Variants in BMPR1A observed in about 807,000 individuals in gnomAD.
The protein encoded by BMPR1A is bone morphogenetic protein receptor type 1A, also known as bone morphogenetic protein receptor type-1A.
BMPR1A carries 7 observed loss-of-function variants against 66.0 expected under a neutral mutation model. The ratio of observed to expected loss-of-function variants is 0.11; its 90% CI spans 0.06 to 0.20. The LOEUF (loss-of-function observed/expected upper bound fraction) is 0.20. Among genes scored for constraint, BMPR1A ranks in the 10% least tolerant of loss-of-function variants. The pLI is 1.00. For missense variants in BMPR1A, 408 were observed against 669.1 expected (o/e 0.61, Z 4.31); for synonymous variants, 200 against 229.7 (o/e 0.87, Z 1.17).
At chr10:86,901,942 T>C (rs1843316903) in intron 7 of BMPR1A, among the ~76,000 whole-genome samples, 1 of 152,164 alleles carries the variant, frequency 6.6e-6, no homozygotes, top group Admixed American at 6.5e-5. Context: ...CACTGCAATC[T>C]CTGCCTCCCA....
Position 86,922,278 on chromosome 10 carries a change from C to T in BMPR1A, c.1342+583C>T, listed in dbSNP as rs1436200784. Among the ~76,000 whole-genome samples, 3 of 152,234 alleles carry T rather than the reference C, an allele frequency of 2.0e-5. No homozygotes were observed. The East Asian group carries it at 5.8e-4, about 29-fold the overall frequency. ...ATGATACTCCATTGTGTGTAGGTGC[C>T]ACATTTTCTTGATGTGTTCATCTGT... On this transcript the variant is annotated intron_variant, in intron 11 of 12. Coordinates refer to ENST00000372037, the MANE Select transcript of BMPR1A (RefSeq NM_004329.3).
intron 1 of BMPR1A, among the ~76,000 whole-genome samples, chr10:86,780,866 T>G (rs2168728): frequency 0.29 from 44,069 of 151,738 alleles, 7,614 homozygotes; most frequent in East Asian, 0.72. Context: ...AAAGTAAAAA[T>G]AATCGTGTGA....
At chr10:86,873,850 G>A (rs565241210) in intron 2 of BMPR1A, among the ~76,000 whole-genome samples, 2 of 152,310 alleles carry the variant, frequency 1.3e-5, no homozygotes, top group South Asian at 4.1e-4. Context: ...TCAGCATTAT[G>A]TAATGGGAAA....
intron 1 of BMPR1A, among the ~76,000 whole-genome samples, chr10:86,820,125 C>T (rs531351676): frequency 6.6e-6 from 1 of 152,294 alleles, no homozygotes; most frequent in East Asian, 1.9e-4. Flanking sequence ...CGTCTGCAGC[C>T]TCCACCTCCC....
At chr10:86,781,101 G>A (rs191031700) in intron 1 of BMPR1A, among the ~76,000 whole-genome samples, 10 of 152,184 alleles carry the variant, frequency 6.6e-5, no homozygotes, top group African/African-American at 1.4e-4. Flanking sequence ...TGATCCGCCC[G>A]CCTTGGCCTC....
chr10:86,780,260 C>T (rs1403338287), intron 1 of BMPR1A, among the ~76,000 whole-genome samples: 2 of 152,104 alleles, frequency 1.3e-5, no homozygotes, highest in Non-Finnish European at 2.9e-5. Flanking sequence ...TAGCTCGTCT[C>T]TTCATGATGT....
chr10:86,881,944 TATTG>T (rs1842992103), intron 3 of BMPR1A, among the ~76,000 whole-genome samples: 1 of 152,194 alleles, frequency 6.6e-6, no homozygotes, highest in African/African-American at 2.4e-5. Context: ...TGTTTGATGA[TATTG>T]GTAAGGATAA....
chr10:86,902,331 C>T (rs61856962), intron 7 of BMPR1A, among the ~76,000 whole-genome samples: 1,871 of 151,960 alleles, frequency 0.012, 12 homozygotes, highest in Non-Finnish European at 0.019. Context: ...TTTCAGAAAT[C>T]AGCCCTTTGT....
intron 7 of BMPR1A, among the ~76,000 whole-genome samples, chr10:86,905,017 C>T (rs1236711562): frequency 6.6e-6 from 1 of 152,092 alleles, no homozygotes; most frequent in Non-Finnish European, 1.5e-5. Flanking sequence ...CATAGCAAAC[C>T]GTAAAAGAAT....
intron 2 of BMPR1A, among the ~76,000 whole-genome samples, chr10:86,845,436 C>G (rs1336867428): frequency 6.6e-6 from 1 of 152,194 alleles, no homozygotes; most frequent in Non-Finnish European, 1.5e-5. Context: ...CAGGTCTGTG[C>G]TTGTGCCTCC....
chr10:86,919,230 T>C lies in BMPR1A; in HGVS notation c.927T>C (p.Thr309=), dbSNP rs779691540. 12 of 1,614,008 alleles carry C rather than the reference T, an allele frequency of 7.4e-6. No individual in the cohort carries two copies. The highest frequency in any genetic ancestry group is 4.5e-5 in the East Asian group (2 of 44,884). ...CCTGGACTCAGCTCTATTTGATTACTGATTACCATGAAAATGGATCTCTCT... is the reference window on the plus strand; with the variant it reads ...CCTGGACTCAGCTCTATTTGATTACCGATTACCATGAAAATGGATCTCTCT... ...TGSWTQLYLI[T]DYHENGSLYD... Residue 309 remains threonine, a synonymous_variant, in exon 10 of 13, where the codon ACT becomes ACC. Transcript: ENST00000372037.
intron 1 of BMPR1A, among the ~76,000 whole-genome samples, chr10:86,764,838 A>G (rs1456763144): frequency 1.3e-5 from 2 of 152,252 alleles, no homozygotes; most frequent in East Asian, 3.8e-4. Flanking sequence ...AGATAGTACC[A>G]AAAGATGTAA....
At position 86,906,673 on chromosome 10, in the gene BMPR1A, G is replaced by A. The variant is rs1341653189; in HGVS notation, c.531-5567G>A. ...CGGGAGGCGGAGCTTGCAGTGAGCC[G>A]ACATCGCGCCACTGCACTCCAGCCT... On this transcript the variant is annotated intron_variant, in intron 7 of 12. Transcript: ENST00000372037. Among the ~76,000 whole-genome samples the A allele has an allele frequency of 8.8e-4, 31 of 35,038 alleles. 4 individuals are homozygous for A. The highest frequency in any genetic ancestry group is 2.0e-3 in the African/African-American group (5 of 2,486). 23.0% of individuals were successfully genotyped at this position (35,038 alleles called of 152,430 possible). A position where few individuals can be genotyped will look rare whatever the true frequency, so the allele number is the denominator to read the frequency against.
intron 1 of BMPR1A, among the ~76,000 whole-genome samples, chr10:86,835,249 GA>G (rs200647478): frequency 0.085 from 9,917 of 117,348 alleles, 428 homozygotes; most frequent in Non-Finnish European, 0.096. Flanking sequence ...AAGAAAAAAA[GA>G]AAAAAAAAAA....
At chr10:86,762,919 C>T (rs1022931645) in intron 1 of BMPR1A, among the ~76,000 whole-genome samples, 2 of 151,970 alleles carry the variant, frequency 1.3e-5, no homozygotes, top group Admixed American at 1.3e-4. Context: ...TTATTTGAGA[C>T]GGAGTCTCAC....
At chr10:86,794,076 C>T (rs1225371534) in intron 1 of BMPR1A, among the ~76,000 whole-genome samples, 2 of 152,144 alleles carry the variant, frequency 1.3e-5, no homozygotes, top group African/African-American at 4.8e-5. Context: ...ATCGCCCCAT[C>T]TCAGGTTTTG....
chr10:86,836,564 G>A (rs1842350292), intron 1 of BMPR1A, among the ~76,000 whole-genome samples: 1 of 152,158 alleles, frequency 6.6e-6, no homozygotes, highest in Non-Finnish European at 1.5e-5. Flanking sequence ...TTGGGAGGCC[G>A]AGGCAGGCGG....
intron 1 of BMPR1A, among the ~76,000 whole-genome samples, chr10:86,796,566 C>A (rs1383562137): frequency 4.0e-5 from 6 of 148,156 alleles, no homozygotes; most frequent in Non-Finnish European, 6.0e-5. Flanking sequence ...ATTTTCTTTT[C>A]TTTCCTTGTT....
At chr10:86,762,899 A>G (rs1057342501) in intron 1 of BMPR1A, among the ~76,000 whole-genome samples, 1 of 151,362 alleles carries the variant, frequency 6.6e-6, no homozygotes, top group African/African-American at 2.4e-5. Context: ...ATTCAGTAGT[A>G]TTTATTTATT....
Sources: allele counts gnomAD v4.1 joint callset (sites outside exome capture counted in the v4.1 genomes callset), GRCh38; gene constraint gnomAD v4.1.1; transcripts MANE v1.5; gene names NCBI Gene and HGNC (gene_info 2026-07-23, HGNC 2026-07-21).